STK3: variants seen among roughly 807,000 people sequenced by gnomAD.
STK3 encodes serine/threonine kinase 3.
Under a neutral mutation model 58.0 loss-of-function variants are expected in STK3, and 41 were observed. The observed-to-expected ratio is 0.71, with a 90% CI of 0.55 to 0.92. The LOEUF (loss-of-function observed/expected upper bound fraction) is 0.92. Ranked by LOEUF, STK3 falls within the 40% of genes least tolerant of loss-of-function variation. The pLI, the probability that STK3 is intolerant of heterozygous loss-of-function variation, is 0.00. For missense variants in STK3, 479 were observed against 602.7 expected (o/e 0.79, Z 2.15); for synonymous variants, 170 against 191.0 (o/e 0.89, Z 0.91).
intron 10 of STK3, among the ~76,000 whole-genome samples, chr8:98,501,903 C>T (rs1271533136): frequency 1.3e-5 from 2 of 152,082 alleles, no homozygotes; most frequent in African/African-American, 2.4e-5. Context: ...TTTTTGGTTC[C>T]ATATGAACCT....
At chr8:98,520,335 A>C (rs1825257379) in intron 10 of STK3, among the ~76,000 whole-genome samples, 1 of 152,078 alleles carries the variant, frequency 6.6e-6, no homozygotes, top group Non-Finnish European at 1.5e-5. Context: ...ATCTCCTTAC[A>C]TTCAGGAACA....
intron 4 of STK3, among the ~76,000 whole-genome samples, chr8:98,711,961 G>A (rs1255954104): frequency 1.3e-5 from 2 of 152,174 alleles, no homozygotes; most frequent in Non-Finnish European, 2.9e-5. Context: ...CAAGCCAGAA[G>A]ACAGGGGGGC....
chr8:98,878,781 T>G (rs1320595070), downstream of STK3: 1 of 172,458 alleles, frequency 5.8e-6, no homozygotes, highest in African/African-American at 2.4e-5. Flanking sequence ...CGAGTGCTAT[T>G]TCTTTTGTAG....
At chr8:98,672,191 C>A (rs957757943) in intron 6 of STK3, among the ~76,000 whole-genome samples, 1 of 152,072 alleles carries the variant, frequency 6.6e-6, no homozygotes, top group African/African-American at 2.4e-5. Context: ...AAGTGATCCC[C>A]CAACCTCAGC....
At position 98,590,896 on chromosome 8, in the gene STK3, CAT is replaced by C. The variant is rs1311400853; in HGVS notation, c.822+5134_822+5135del. ...CACAATTGTTTTACATTATGTAAAA[CAT>C]ACATGTTTTATCATAATATTCTATC... On this transcript the variant is annotated intron_variant, in intron 7 of 10. Coordinates refer to ENST00000419617, the MANE Select transcript of STK3 (RefSeq NM_006281.4). Among the ~76,000 whole-genome samples the C allele has an allele frequency of 3.3e-5, 5 of 152,076 alleles. No individual in the cohort carries two copies. The East Asian group carries it at 9.6e-4, about 29-fold the overall frequency.
chr8:98,923,972 A>T (rs1355319683), intron 1 of STK3, among the ~76,000 whole-genome samples: 1 of 151,536 alleles, frequency 6.6e-6, no homozygotes, highest in Non-Finnish European at 1.5e-5. Context: ...GAATTTGTTT[A>T]GATTCATGAT....
chr8:98,404,672 T>C, intron 3 of STK3, among the ~76,000 whole-genome samples: 1 of 102,096 alleles, frequency 9.8e-6, no homozygotes, highest in South Asian at 4.0e-4. Context: ...AGAGCAAGTC[T>C]CTGTCTCAAA....
the STK3 span, among the ~76,000 whole-genome samples, chr8:98,354,150 A>G: frequency 6.6e-6 from 1 of 152,148 alleles, no homozygotes; most frequent in East Asian, 1.9e-4. Context: ...TTTCAAATCA[A>G]CTTACTTTCA....
chr8:98,933,873 G>A (rs1275791548), intron 1 of STK3, among the ~76,000 whole-genome samples: 3 of 152,198 alleles, frequency 2.0e-5, no homozygotes, highest in African/African-American at 4.8e-5. Flanking sequence ...TATTAACACA[G>A]GACAAGGCTC....
At chr8:98,679,110 A>T (rs762960563) in intron 6 of STK3, among the ~76,000 whole-genome samples, 1 of 152,192 alleles carries the variant, frequency 6.6e-6, no homozygotes, top group East Asian at 1.9e-4. Context: ...AGTCACCGTC[A>T]TCTCTCGGTT....
intron 6 of STK3, among the ~76,000 whole-genome samples, chr8:98,615,396 C>G (rs1402871451): frequency 6.6e-6 from 1 of 151,674 alleles, no homozygotes; most frequent in Non-Finnish European, 1.5e-5. Context: ...CTCTAAAACA[C>G]AGAGCGCCTC....
At chr8:98,830,095 G>A (rs915389869), upstream of STK3, among the ~76,000 whole-genome samples, 1 of 152,122 alleles carries the variant, frequency 6.6e-6, no homozygotes, top group African/African-American at 2.4e-5. Context: ...TGGGTGTGGT[G>A]GTGGGCACCT....
chr8:98,507,449 C>T (rs1365056186), intron 10 of STK3, among the ~76,000 whole-genome samples: 1 of 152,230 alleles, frequency 6.6e-6, no homozygotes, highest in Admixed American at 6.5e-5. Context: ...CTGACCAGTT[C>T]TTACTGTCTC....
At chr8:98,413,613 C>T (rs565815955) in intron 3 of STK3, 100 of 711,288 alleles carry the variant, frequency 1.4e-4, no homozygotes, top group African/African-American at 1.3e-3. Context: ...TTGTTGGATA[C>T]AAAGACAAAG....
intron 1 of STK3, among the ~76,000 whole-genome samples, chr8:98,813,771 ATGT>A (rs1459733565): frequency 6.6e-6 from 1 of 152,220 alleles, no homozygotes; most frequent in Non-Finnish European, 1.5e-5. Flanking sequence ...TCCCTAAGAC[ATGT>A]TATTACATTC....
intron 1 of STK3, chr8:98,883,849 A>C: frequency 3.1e-6 from 2 of 646,134 alleles, no homozygotes; most frequent in South Asian, 3.5e-5. Context: ...TTGGAATAAA[A>C]GATTCACTCC....
chr8:98,776,769 A>T (rs1831706429), intron 1 of STK3, among the ~76,000 whole-genome samples: 1 of 151,532 alleles, frequency 6.6e-6, no homozygotes, highest in Admixed American at 6.6e-5. Context: ...AAAAAAAAAT[A>T]GGCCAGGAGC....
chr8:98,400,010 C>T (rs1213594745), downstream of STK3, among the ~76,000 whole-genome samples: 2 of 152,328 alleles, frequency 1.3e-5, no homozygotes, highest in African/African-American at 4.8e-5. Flanking sequence ...ACCTCATGAT[C>T]CTTCTTGATA....
intron 6 of STK3, chr8:98,598,905 G>C (rs1816069539): frequency 1.0e-6 from 1 of 985,246 alleles, no homozygotes; most frequent in Admixed American, 6.2e-5. Context: ...AGAAATCTAG[G>C]TGCTTCAAAA....
Sources: allele counts gnomAD v4.1 joint callset (sites outside exome capture counted in the v4.1 genomes callset), GRCh38; gene constraint gnomAD v4.1.1; transcripts MANE v1.5; gene names NCBI Gene and HGNC (gene_info 2026-07-23, HGNC 2026-07-21).